Variants in SPAG16 observed in about 807,000 individuals in gnomAD.
SPAG16 encodes sperm associated antigen 16.
SPAG16 carries 86 observed loss-of-function variants against 80.4 expected under a neutral mutation model. That is an observed-to-expected ratio of 1.07 (90% CI 0.90 to 1.28). The LOEUF (loss-of-function observed/expected upper bound fraction) is 1.28. Among genes scored for constraint, SPAG16 ranks in the 50% most tolerant of loss-of-function variants. SPAG16 has a pLI of 0.00. For missense variants in SPAG16, 870 were observed against 765.3 expected (o/e 1.14, Z -1.61); for synonymous variants, 294 against 265.9 (o/e 1.11, Z -1.03).
intron 12 of SPAG16, among the ~76,000 whole-genome samples, chr2:213,995,629 G>T (rs2046478457): frequency 6.6e-6 from 1 of 152,152 alleles, no homozygotes; most frequent in Non-Finnish European, 1.5e-5. Context: ...TCTTCCCTAT[G>T]GTGGTGCCAA....
At chr2:213,394,190 T>C (rs751782186) in intron 9 of SPAG16, among the ~76,000 whole-genome samples, 2 of 152,084 alleles carry the variant, frequency 1.3e-5, no homozygotes, top group African/African-American at 2.4e-5. Flanking sequence ...TTTTAGCATT[T>C]TTCTTGTTTA....
chr2:213,630,989 G>A (rs1015308205), intron 10 of SPAG16, among the ~76,000 whole-genome samples: 1 of 152,174 alleles, frequency 6.6e-6, no homozygotes, highest in Non-Finnish European at 1.5e-5. Context: ...AATCAGGGAA[G>A]GTTACTCTTA....
At chr2:214,081,300 C>A (rs1278233667) in intron 13 of SPAG16, among the ~76,000 whole-genome samples, 1 of 152,126 alleles carries the variant, frequency 6.6e-6, no homozygotes, top group East Asian at 1.9e-4. Context: ...GAATTGTGTT[C>A]CCCCAAAAGA....
At chr2:213,352,555 G>T (rs539055242) in intron 7 of SPAG16, among the ~76,000 whole-genome samples, 2 of 152,296 alleles carry the variant, frequency 1.3e-5, no homozygotes, top group Admixed American at 1.3e-4. Context: ...TGATGGTTTA[G>T]TGGAAAGAGC....
At chr2:213,415,601 C>T (rs542320625) in intron 9 of SPAG16, among the ~76,000 whole-genome samples, 38 of 152,156 alleles carry the variant, frequency 2.5e-4, no homozygotes, top group African/African-American at 4.8e-4. Flanking sequence ...TGGTTGATTA[C>T]GTTTGTAGTG....
chr2:214,214,837 A>T (rs1016501116), intron 15 of SPAG16, among the ~76,000 whole-genome samples: 3 of 151,520 alleles, frequency 2.0e-5, no homozygotes, highest in Non-Finnish European at 4.4e-5. Context: ...ACATAGAAAT[A>T]TTTCCTAATA....
intron 10 of SPAG16, among the ~76,000 whole-genome samples, chr2:213,798,426 G>GTT (rs71301556): frequency 1.4e-4 from 21 of 150,422 alleles, no homozygotes; most frequent in East Asian, 7.9e-4. Context: ...GCTAATTTTT[G>GTT]TTTTTTTTTA....
At chr2:214,273,322 T>C (rs1295969540) in intron 15 of SPAG16, among the ~76,000 whole-genome samples, 1 of 152,202 alleles carries the variant, frequency 6.6e-6, no homozygotes, top group Non-Finnish European at 1.5e-5. Context: ...TATTTTGGCT[T>C]TTGTTGCCAT....
At chr2:214,202,555 T>TGAAAGAAAG (rs1414566585) in intron 15 of SPAG16, among the ~76,000 whole-genome samples, 2 of 152,062 alleles carry the variant, frequency 1.3e-5, no homozygotes, top group African/African-American at 4.8e-5. Context: ...GGGGCAGAGG[T>TGAAAGAAAG]AAATTATCCT....
intron 13 of SPAG16, among the ~76,000 whole-genome samples, chr2:214,018,690 G>A (rs529657214): frequency 5.9e-5 from 9 of 152,278 alleles, no homozygotes; most frequent in African/African-American, 2.2e-4. Context: ...TTCTATTAGT[G>A]AAGCAGTAAT....
At chr2:213,664,866 T>C (rs1311877015) in intron 10 of SPAG16, among the ~76,000 whole-genome samples, 1 of 152,102 alleles carries the variant, frequency 6.6e-6, no homozygotes, top group African/African-American at 2.4e-5. Context: ...CATATACATA[T>C]TGACCCTTCT....
chr2:213,705,238 ACT>A (rs1385144661), intron 10 of SPAG16, among the ~76,000 whole-genome samples: 2 of 151,554 alleles, frequency 1.3e-5, no homozygotes, highest in Non-Finnish European at 2.9e-5. Flanking sequence ...ACAGAGCAAG[ACT>A]CTGTCTCAAA....
chr2:213,781,853 A>C (rs2069999525), intron 10 of SPAG16, among the ~76,000 whole-genome samples: 1 of 152,178 alleles, frequency 6.6e-6, no homozygotes, highest in East Asian at 1.9e-4. Context: ...AGAATGATAA[A>C]ACTTAATCAA....
At chr2:214,292,700 G>T (rs558797555) in intron 15 of SPAG16, among the ~76,000 whole-genome samples, 2 of 152,114 alleles carry the variant, frequency 1.3e-5, no homozygotes, top group Admixed American at 6.5e-5. Context: ...TTTTTGGGAG[G>T]TGTCATATTT....
At chr2:214,226,702 A>G (rs796602801) in intron 15 of SPAG16, among the ~76,000 whole-genome samples, 13 of 152,198 alleles carry the variant, frequency 8.5e-5, no homozygotes, top group African/African-American at 3.1e-4. Context: ...ATAGGATCAC[A>G]CAAGATCACA....
intron 15 of SPAG16, among the ~76,000 whole-genome samples, chr2:214,355,648 T>C (rs1698734484): frequency 6.7e-6 from 1 of 150,268 alleles, no homozygotes; most frequent in Admixed American, 6.7e-5. Context: ...AGAAATACCA[T>C]TTGACCCAGC....
intron 10 of SPAG16, among the ~76,000 whole-genome samples, chr2:213,862,125 G>C (rs543530826): frequency 6.6e-6 from 1 of 152,212 alleles, no homozygotes; most frequent in South Asian, 2.1e-4. Flanking sequence ...CATGACCACT[G>C]GTCCAAATAT....
chr2:213,545,246 A>G (rs1432637117), intron 10 of SPAG16, among the ~76,000 whole-genome samples: 1 of 151,996 alleles, frequency 6.6e-6, no homozygotes, highest in African/African-American at 2.4e-5. Flanking sequence ...TCATTTGCTT[A>G]TTTGCCATTT....
intron 9 of SPAG16, among the ~76,000 whole-genome samples, chr2:213,420,026 A>T (rs1489174783): frequency 6.9e-6 from 1 of 145,982 alleles, no homozygotes; most frequent in Non-Finnish European, 1.5e-5. Flanking sequence ...TATACAAGAT[A>T]TTTTTTTATA....
Sources: gnomAD v4.1 joint callset for allele counts (sites outside exome capture counted in the v4.1 genomes callset) on GRCh38, gnomAD v4.1.1 for gene constraint, MANE v1.5 for transcripts, NCBI Gene and HGNC (gene_info 2026-07-23, HGNC 2026-07-21) for gene names.